The following ZNF703 variants were observed in gnomAD, a reference collection of about 807,000 sequenced individuals.
The protein encoded by ZNF703 is zinc finger protein 703.
In ZNF703, 18 loss-of-function variants were observed where a neutral mutation model predicts 30.7. The observed-to-expected ratio is 0.59, with a 90% confidence interval of 0.40 to 0.87. The LOEUF (loss-of-function observed/expected upper bound fraction) is 0.87, where lower values mean the gene tolerates loss of function less well. Ranked by LOEUF, ZNF703 falls within the 40% of genes least tolerant of loss-of-function variation. The pLI, the probability that ZNF703 is intolerant of heterozygous loss-of-function variation, is 0.00. For missense variants in ZNF703, 814 were observed against 847.8 expected (o/e 0.96, Z 0.50); for synonymous variants, 457 against 438.6 (o/e 1.04, Z -0.52).
rs1009213869 is a variant in ZNF703 at position 37,696,545 on chromosome 8, G to T, written c.243+323G>T. Among the ~76,000 whole-genome samples, 2 of 152,158 alleles carry T rather than the reference G, an allele frequency of 1.3e-5. No individual in the cohort carries two copies. The highest frequency in any genetic ancestry group is 4.8e-5 in the African/African-American group (2 of 41,452). On this transcript the variant is annotated intron_variant, in intron 1 of 1. Coordinates refer to ENST00000331569, the MANE Select transcript of ZNF703 (RefSeq NM_025069.3). This position sits in a 1 kb window ranked among gnomAD's most constrained non-coding sequence, Gnocchi z 8.2. The stretch of plus-strand genomic sequence containing the variant: ...CCAGCCAGGAGTTGGTCTCTGCTGG[G>T]TCTTCCCCGCCCCCCACGCCGGGCT...
chr8:37,698,786 T>G lies in ZNF703; in HGVS notation c.*112T>G. On this transcript the variant is annotated 3_prime_UTR_variant, in exon 2 of 2. Transcript: ENST00000331569. ...CACTACTGCTTGACCCTGCCGGGAT[T>G]CCCCACCCAGCCCTTCCCCACCGGA... 1.1e-6 allele frequency: 1 copy of G among 947,536 alleles called. No individual in the cohort carries two copies. The highest frequency in any genetic ancestry group is 1.4e-6 in the Non-Finnish European group (1 of 705,144). The allele number at this position is 947,536 out of a possible 1,614,324, so 58.7% of individuals were successfully genotyped here.
Position 37,697,901 on chromosome 8 carries a change from C to A in ZNF703, c.1000C>A (p.Leu334Met). 1 of 1,556,876 alleles carries A rather than the reference C, an allele frequency of 6.4e-7. No homozygotes were observed. ...AGYPSQFVPGLDPSKSGLVGG... is the reference protein window; with the variant it reads ...AGYPSQFVPGMDPSKSGLVGG... The stretch of plus-strand genomic sequence containing the variant: ...CTACCCGTCTCAGTTCGTGCCTGGC[C>A]TGGATCCTAGCAAGTCCGGCCTCGT... The change falls in exon 2 of 2, where the codon CTG (leucine) becomes ATG (methionine). Residue 334 changes from leucine to methionine, a missense_variant. By Grantham distance (15) the Leu-to-Met change is conservative. Transcript: ENST00000331569.
rs1802098732 is a variant in ZNF703, at chr8:37,697,849, C to T, written c.948C>T (p.His316=). ...FPLPPSSIGY[H]GSIVGAYAGY... ...TGCCGCCCTCCAGCATTGGCTACCACGGCTCCATCGTGGGCGCCTACGCCG... is the reference window on the plus strand; with the variant it reads ...TGCCGCCCTCCAGCATTGGCTACCATGGCTCCATCGTGGGCGCCTACGCCG... The change falls in exon 2 of 2, where the codon CAC becomes CAT. Residue 316 remains histidine, a synonymous_variant. Transcript: ENST00000331569. 4 of 1,541,548 alleles carry T rather than the reference C, an allele frequency of 2.6e-6. No homozygotes were observed. Among genetic ancestry groups the T allele is most frequent in the African/African-American group, 1.4e-5 (1 of 73,286 alleles).
Position 37,697,261 on chromosome 8 carries a change from G to T in ZNF703, c.360G>T (p.Leu120=), listed in dbSNP as rs1373900174. Residue 120 remains leucine (L), a synonymous_variant, in exon 2 of 2, where the codon CTG becomes CTT. Coordinates refer to ENST00000331569, the MANE Select transcript of ZNF703 (RefSeq NM_025069.3). ...LNSVAAAANG[L]GAEKDPGRSA... Reference sequence around the variant, plus strand: ...CGGTGGCGGCGGCGGCCAACGGGCTGGGAGCGGAGAAGGACCCCGGCCGCT... The same window carrying T: ...CGGTGGCGGCGGCGGCCAACGGGCTTGGAGCGGAGAAGGACCCCGGCCGCT... 1.6e-5 allele frequency: 25 copies of T among 1,581,550 alleles called. No homozygotes were observed. Among genetic ancestry groups the T allele is most frequent in the Non-Finnish European group, 2.1e-5 (25 of 1,166,920 alleles).
chr8:37,697,294 G>C lies in ZNF703; in HGVS notation c.393G>C (p.Pro131=). 6.4e-7 allele frequency: 1 copy of C among 1,567,120 alleles called. No homozygotes were observed. The highest frequency in any genetic ancestry group is 1.2e-5 in the South Asian group (1 of 86,150). Residue 131 remains proline (P), a synonymous_variant, in exon 2 of 2, where the codon CCG becomes CCC. Transcript: ENST00000331569. ...GAEKDPGRSA[P]GAASAAAALK... is the part of the protein sequence containing the mutation. ...AGAAGGACCCCGGCCGCTCAGCCCC[G>C]GGCGCCGCCTCCGCAGCCGCGGCCC...
Position 37,697,199 on chromosome 8 carries a change from G to A in ZNF703, c.298G>A (p.Gly100Ser). Residue 100 changes from glycine (G) to serine (S), a missense_variant, in exon 2 of 2, where the codon GGC becomes AGC. Transcript: ENST00000331569. ...GCTGGCTCAGACCTGCTCGCAGATCGGCAAGCCGGACCCGCCGCCCTCCTC... is the reference window on the plus strand; with the variant it reads ...GCTGGCTCAGACCTGCTCGCAGATCAGCAAGCCGGACCCGCCGCCCTCCTC... The part of the protein sequence containing the change: ...ALLAQTCSQI[G>S]KPDPPPSSKL... The A allele has an allele frequency of 6.3e-7, 1 of 1,594,900 alleles. No homozygotes were observed. Among genetic ancestry groups the A allele is most frequent in the South Asian group, 1.1e-5 (1 of 89,078 alleles).
At position 37,696,022 on chromosome 8, in the gene ZNF703, AGCAGCGGCAGCG is replaced by A. The variant is rs759862920; in HGVS notation, c.52_63del (p.Ser18_Gly21del). 3.2e-6 allele frequency: 5 copies of A among 1,546,418 alleles called. No individual in the cohort carries two copies. Among genetic ancestry groups the A allele is most frequent in the Non-Finnish European group, 3.5e-6 (4 of 1,146,338 alleles). ...TGGATCTAACCCAAGGACACCCGAA[AGCAGCGGCAGCG>A]GCAGCGGCGGCGGCGGGAAGAGGCC... is the stretch of plus-strand genomic sequence containing the variant. On this transcript the variant is annotated inframe_deletion, in exon 1 of 2. Coordinates refer to ENST00000331569, the MANE Select transcript of ZNF703 (RefSeq NM_025069.3). This position sits in a 1 kb window ranked among gnomAD's most constrained non-coding sequence, Gnocchi z 8.2.
At position 37,698,768 on chromosome 8, in the gene ZNF703, G is replaced by C. The variant is rs1369253161; in HGVS notation, c.*94G>C. The C allele has an allele frequency of 9.1e-7, 1 of 1,102,266 alleles. No individual in the cohort carries two copies. The highest frequency in any genetic ancestry group is 3.2e-5 in the East Asian group (1 of 31,498). The allele number at this position is 1,102,266 out of a possible 1,614,324, so 68.3% of individuals were successfully genotyped here. A position where few individuals can be genotyped will look rare whatever the true frequency, so the allele number is the denominator to read the frequency against. ...CGTCGCCGCTGCAACCTCCACTACT[G>C]CTTGACCCTGCCGGGATTCCCCACC... On this transcript the variant is annotated 3_prime_UTR_variant, in exon 2 of 2. Coordinates refer to ENST00000331569, the MANE Select transcript of ZNF703 (RefSeq NM_025069.3).
rs1407417587 is a variant in ZNF703, at chr8:37,699,060, T to C, written c.*386T>C. On this transcript the variant is annotated 3_prime_UTR_variant, in exon 2 of 2. Coordinates refer to ENST00000331569, the MANE Select transcript of ZNF703 (RefSeq NM_025069.3). ...TTTGGTTTGAGGGAGAGTTGGGGTC[T>C]TTGGGTTCTTCTAGACGTTTTGTTT... The C allele has an allele frequency of 5.9e-6, 1 of 168,682 alleles. No individual in the cohort carries two copies. The highest frequency in any genetic ancestry group is 1.3e-5 in the Non-Finnish European group (1 of 79,666). 10.4% of individuals were successfully genotyped at this position (168,682 alleles called of 1,614,324 possible). A position where few individuals can be genotyped will look rare whatever the true frequency, so the allele number is the denominator to read the frequency against.
Position 37,697,375 on chromosome 8 carries a change from C to T in ZNF703, c.474C>T (p.Ser158=). Residue 158 remains serine, a synonymous_variant, in exon 2 of 2, where the codon TCC becomes TCT. Coordinates refer to ENST00000331569, the MANE Select transcript of ZNF703 (RefSeq NM_025069.3). ...ACAAGTCCAGCTTCAAGCCCTACTCCAAGGGCTCCGGCGGCGGCGACTCCC... is the reference window on the plus strand; with the variant it reads ...ACAAGTCCAGCTTCAAGCCCTACTCTAAGGGCTCCGGCGGCGGCGACTCCC... ...AEDKSSFKPY[S]KGSGGGDSRK... The T allele has an allele frequency of 6.4e-7, 1 of 1,557,126 alleles. No homozygotes were observed. The highest frequency in any genetic ancestry group is 1.2e-5 in the South Asian group (1 of 84,274).
chr8:37,698,027 T>A lies in ZNF703; in HGVS notation c.1126T>A (p.Cys376Ser). The change falls in exon 2 of 2, where the codon TGC (cysteine) becomes AGC (serine). Residue 376 changes from cysteine to serine, a missense_variant. Transcript: ENST00000331569. ...ASPPSFLQGL[C>S]RDPYCLGGYH... The stretch of plus-strand genomic sequence containing the variant: ...CCCGCCCTCCTTCCTGCAGGGATTA[T>A]GCCGCGACCCCTATTGCTTGGGAGG... 6.4e-7 allele frequency: 1 copy of A among 1,555,648 alleles called. No individual in the cohort carries two copies. Among genetic ancestry groups the A allele is most frequent in the Non-Finnish European group, 8.7e-7 (1 of 1,154,754 alleles).
Position 37,695,943 on chromosome 8 carries a change from G to A in ZNF703, c.-37G>A. 2 of 593,004 alleles carry A rather than the reference G, an allele frequency of 3.4e-6. No individual in the cohort carries two copies. The highest frequency in any genetic ancestry group is 4.9e-6 in the Non-Finnish European group (2 of 410,552). 36.7% of individuals were successfully genotyped at this position (593,004 alleles called of 1,614,324 possible). ...GAGCTCGCCTCCCCGGTGCTCCCCC[G>A]CCCTCCCCGCCCCCCCAGCGGCGCT... On this transcript the variant is annotated 5_prime_UTR_variant, in exon 1 of 2. Coordinates refer to ENST00000331569, the MANE Select transcript of ZNF703 (RefSeq NM_025069.3).
At position 37,697,153 on chromosome 8, in the gene ZNF703, C is replaced by A; in HGVS notation, c.252C>A (p.Ala84=). 6.4e-7 allele frequency: 1 copy of A among 1,567,292 alleles called. No individual in the cohort carries two copies. Reference sequence around the variant, plus strand: ...GCTTCTGTCTCCCACAGCTGGACGCCAAGAAGAGCCCCTTGGCGCTGCTGG... The same window carrying A: ...GCTTCTGTCTCCCACAGCTGGACGCAAAGAAGAGCCCCTTGGCGCTGCTGG... The part of the protein sequence containing the change: ...STPVSPIELD[A]KKSPLALLAQ... The change falls in exon 2 of 2, where the codon GCC becomes GCA. Residue 84 remains alanine, a synonymous_variant. Transcript: ENST00000331569.
Position 37,696,309 on chromosome 8 carries a change from C to A in ZNF703, c.243+87C>A. On this transcript the variant is annotated intron_variant, in intron 1 of 1. Coordinates refer to ENST00000331569, the MANE Select transcript of ZNF703 (RefSeq NM_025069.3). This position sits in a 1 kb window ranked among gnomAD's most constrained non-coding sequence, Gnocchi z 8.2. ...TGACCCAGCTCCCAGCGCCCCGGGGCTCGGTGCGACACCCAAGTCTGGTCA... is the reference window on the plus strand; with the variant it reads ...TGACCCAGCTCCCAGCGCCCCGGGGATCGGTGCGACACCCAAGTCTGGTCA... 3 of 1,467,742 alleles carry A rather than the reference C, an allele frequency of 2.0e-6. No homozygotes were observed. In the Middle Eastern group the frequency reaches 6.1e-4, roughly 300 times the overall value. The allele number at this position is 1,467,742 out of a possible 1,614,324, so 90.9% of individuals were successfully genotyped here.
Position 37,695,923 on chromosome 8 carries a change from C to A in ZNF703, c.-57C>A. 1 of 1,325,688 alleles carries A rather than the reference C, an allele frequency of 7.5e-7. No individual in the cohort carries two copies. The highest frequency in any genetic ancestry group is 9.9e-7 in the Non-Finnish European group (1 of 1,007,720). 82.1% of individuals were successfully genotyped at this position (1,325,688 alleles called of 1,614,324 possible). ...AGCGAGCCCACCCGCCCCGGGAGCT[C>A]GCCTCCCCGGTGCTCCCCCGCCCTC... On this transcript the variant is annotated 5_prime_UTR_variant, in exon 1 of 2. Transcript: ENST00000331569.
At position 37,698,829 on chromosome 8, in the gene ZNF703, A is replaced by G. The variant is rs990088172; in HGVS notation, c.*155A>G. 1.7e-6 allele frequency: 1 copy of G among 573,940 alleles called. No individual in the cohort carries two copies. The highest frequency in any genetic ancestry group is 2.0e-5 in the African/African-American group (1 of 51,130). 35.6% of individuals were successfully genotyped at this position (573,940 alleles called of 1,614,324 possible). A position where few individuals can be genotyped will look rare whatever the true frequency, so the allele number is the denominator to read the frequency against. ...CCACCGGACTGTGTATTTATTTACT[A>G]TAATGTTAGCTTACAAGCTGGGAAT... On this transcript the variant is annotated 3_prime_UTR_variant, in exon 2 of 2. Transcript: ENST00000331569.
Position 37,698,506 on chromosome 8 carries a change from G to A in ZNF703, c.1605G>A (p.Arg535=), listed in dbSNP as rs1402397572. ...APGSPGSLSL[R]NPHTLGLSRY... Reference sequence around the variant, plus strand: ...GCAGCCCCGGGTCGCTGTCCTTGCGGAATCCACACACTTTGGGCCTAAGCC... The same window carrying A: ...GCAGCCCCGGGTCGCTGTCCTTGCGAAATCCACACACTTTGGGCCTAAGCC... Residue 535 remains arginine (R), a synonymous_variant, in exon 2 of 2, where the codon CGG becomes CGA. Coordinates refer to ENST00000331569, the MANE Select transcript of ZNF703 (RefSeq NM_025069.3). 2 of 1,561,690 alleles carry A rather than the reference G, an allele frequency of 1.3e-6. No individual in the cohort carries two copies. Among genetic ancestry groups the A allele is most frequent in the South Asian group, 1.2e-5 (1 of 84,972 alleles).
Position 37,696,062 on chromosome 8 carries a change from C to T in ZNF703, c.83C>T (p.Ala28Val). 6.4e-7 allele frequency: 1 copy of T among 1,555,860 alleles called. No homozygotes were observed. The stretch of plus-strand genomic sequence containing the variant: ...AGCGGCGGCGGCGGGAAGAGGCCGG[C>T]GGTGCCGGCAGCGGTGTCCCTCTTG... ...SGSGGGGKRP[A>V]VPAAVSLLPP... The change falls in exon 1 of 2, where the codon GCG becomes GTG. Residue 28 changes from alanine (A) to valine (V), a missense_variant. Physicochemically the swap from Ala to Val is moderately conservative, Grantham distance 64. Coordinates refer to ENST00000331569, the MANE Select transcript of ZNF703 (RefSeq NM_025069.3). The surrounding 1 kb of genome is among the most constrained non-coding windows in gnomAD (Gnocchi z 8.2).
rs1440585699 is a variant in ZNF703 at position 37,696,213 on chromosome 8, C to T, written c.234C>T (p.Ser78=). 3.1e-6 allele frequency: 5 copies of T among 1,608,338 alleles called. No individual in the cohort carries two copies. The highest frequency in any genetic ancestry group is 1.1e-5 in the South Asian group (1 of 90,280). The change falls in exon 1 of 2, where the codon AGC becomes AGT. Residue 78 remains serine, a synonymous_variant. Coordinates refer to ENST00000331569, the MANE Select transcript of ZNF703 (RefSeq NM_025069.3). The surrounding 1 kb of genome is among the most constrained non-coding windows in gnomAD (Gnocchi z 8.2). ...YLQPLSSTPV[S]PIELDAKKSP... is the part of the protein sequence containing the mutation. Reference sequence around the variant, plus strand: ...AGCCGCTGTCCTCCACTCCCGTCAGCCCCATTGAGGTCAGTCCCCGGCCGC... The same window carrying T: ...AGCCGCTGTCCTCCACTCCCGTCAGTCCCATTGAGGTCAGTCCCCGGCCGC...
Sources: gnomAD v4.1 joint callset for allele counts (sites outside exome capture counted in the v4.1 genomes callset) on GRCh38, gnomAD v4.1.1 for gene constraint, Gnocchi (gnomAD v3.1) non-coding constraint, MANE v1.5 for transcripts, NCBI Gene and HGNC (gene_info 2026-07-23, HGNC 2026-07-21) for gene names.